ESR1: variants seen among roughly 807,000 people sequenced by gnomAD.
The protein encoded by ESR1 is estrogen receptor.
ESR1 carries 12 observed loss-of-function variants against 52.7 expected under a neutral mutation model. That is an observed-to-expected ratio of 0.23 (90% CI 0.15 to 0.37). The LOEUF (loss-of-function observed/expected upper bound fraction) is 0.37. Ranked by LOEUF, ESR1 falls within the 10% of genes least tolerant of loss-of-function variation. The pLI, the probability that ESR1 is intolerant of heterozygous loss-of-function variation, is 1.00. For missense variants in ESR1, 584 were observed against 779.7 expected (o/e 0.75, Z 2.99); for synonymous variants, 305 against 316.8 (o/e 0.96, Z 0.39).
At chr6:151,790,273 C>T (rs769071371) in intron 2 of ESR1, among the ~76,000 whole-genome samples, 2 of 152,232 alleles carry the variant, frequency 1.3e-5, no homozygotes, top group Non-Finnish European at 2.9e-5. Flanking sequence ...GGTGCACAGC[C>T]CCACGACGAC....
At chr6:151,927,457 C>T (rs973138707) in intron 3 of ESR1, among the ~76,000 whole-genome samples, 72 of 152,206 alleles carry the variant, frequency 4.7e-4, no homozygotes, top group African/African-American at 1.6e-3. Flanking sequence ...ATCTTGCCAC[C>T]ACCTGAGCCA....
At chr6:152,124,098 C>A (rs530131313) in intron 6 of ESR1, among the ~76,000 whole-genome samples, 5 of 152,072 alleles carry the variant, frequency 3.3e-5, no homozygotes, top group Admixed American at 2.6e-4. Context: ...CTGAGGTTGG[C>A]GGATCACTTG....
chr6:151,772,353 A>G (rs1435085050), intron 2 of ESR1, among the ~76,000 whole-genome samples: 1 of 152,210 alleles, frequency 6.6e-6, no homozygotes, highest in East Asian at 1.9e-4. Context: ...CCATAAAACA[A>G]TGAAGAGAAC....
chr6:151,836,891 G>A (rs1783423057), intron 1 of ESR1, among the ~76,000 whole-genome samples: 1 of 152,084 alleles, frequency 6.6e-6, no homozygotes, highest in Non-Finnish European at 1.5e-5. Flanking sequence ...AAAAACCAAG[G>A]CTTCTTAAAT....
At chr6:152,114,163 A>T (rs2051180090) in intron 6 of ESR1, among the ~76,000 whole-genome samples, 1 of 152,186 alleles carries the variant, frequency 6.6e-6, no homozygotes. Flanking sequence ...TCAACGCAGA[A>T]GGAAAGCAGG....
chr6:151,686,613 G>A (rs777289352), upstream of ESR1, among the ~76,000 whole-genome samples: 10 of 152,246 alleles, frequency 6.6e-5, no homozygotes, highest in East Asian at 1.2e-3. Flanking sequence ...GCGTGAACCC[G>A]AGAGGCGGAG....
At chr6:152,104,474 C>T (rs941916513), downstream of ESR1, among the ~76,000 whole-genome samples, 2 of 152,218 alleles carry the variant, frequency 1.3e-5, no homozygotes, top group Admixed American at 1.3e-4. Context: ...CCTGTCTGAG[C>T]ATCTACATTT....
At chr6:151,857,609 AC>A (rs1423235935) in intron 2 of ESR1, among the ~76,000 whole-genome samples, 7 of 151,804 alleles carry the variant, frequency 4.6e-5, no homozygotes, top group Non-Finnish European at 8.8e-5. Flanking sequence ...CCTCATTGCA[AC>A]CTCTGCCTCC....
intron 3 of ESR1, among the ~76,000 whole-genome samples, chr6:151,893,146 G>A (rs1192666490): frequency 6.6e-6 from 1 of 152,166 alleles, no homozygotes; most frequent in Non-Finnish European, 1.5e-5. Context: ...AGCCAAGATC[G>A]TGCCACTGCA....
rs572895971 is a variant in ESR1 at position 152,094,052 on chromosome 6, A to G, written c.1370-333A>G. 6.6e-6 allele frequency among the ~76,000 whole-genome samples: 1 copy of G among 152,310 alleles called. No individual in the cohort carries two copies. The highest frequency in any genetic ancestry group is 2.1e-4 in the South Asian group (1 of 4,818). On this transcript the variant is annotated intron_variant, in intron 6 of 7. Coordinates refer to ENST00000206249, the MANE Select transcript of ESR1 (RefSeq NM_000125.4). The surrounding 1 kb of genome is among the most constrained non-coding windows in gnomAD (Gnocchi z 4.6). ...TCACAGGGTTGTCAGTTACATGGTC[A>G]ATTACATTACATGGACAATTCATGA...
intron 2 of ESR1, among the ~76,000 whole-genome samples, chr6:151,852,127 G>C (rs1047102953): frequency 2.0e-5 from 3 of 152,168 alleles, no homozygotes; most frequent in African/African-American, 7.2e-5. Flanking sequence ...TGGTCACCAA[G>C]AGGAAGGCCA....
At chr6:151,669,165 AGAGAGAGAGAGAGAGAGAGAGAGATGGG>A (rs1777946266) in intron 1 of ESR1, among the ~76,000 whole-genome samples, 2 of 127,550 alleles carry the variant, frequency 1.6e-5, no homozygotes, top group South Asian at 2.9e-4. Context: ...AGAGAGAGAG[AGAGAGAGAGAGAGAGAGAGAGAGATGGG>A]AATCCAGGGG....
At position 152,099,003 on chromosome 6, in the gene ESR1, G is replaced by A. The variant is rs1461441204; in HGVS notation, c.*37G>A. The A allele has an allele frequency of 1.9e-6, 3 of 1,565,298 alleles. No individual in the cohort carries two copies. Among genetic ancestry groups the A allele is most frequent in the East Asian group, 4.5e-5 (2 of 44,588 alleles). ...CTCCCACACGGTTCAGATAATCCCT[G>A]CTGCATTTTACCCTCATCATGCACC... On this transcript the variant is annotated 3_prime_UTR_variant, in exon 8 of 8. Transcript: ENST00000206249.
chr6:151,670,514 A>G (rs1293952), intron 1 of ESR1, among the ~76,000 whole-genome samples: 32,110 of 152,150 alleles, frequency 0.21, 4,199 homozygotes, highest in Non-Finnish European at 0.28. Flanking sequence ...CGTTTGTTGA[A>G]TAAATAAATG....
chr6:151,825,567 A>G (rs760038294), intron 1 of ESR1, among the ~76,000 whole-genome samples: 1 of 152,170 alleles, frequency 6.6e-6, no homozygotes, highest in African/African-American at 2.4e-5. Flanking sequence ...AAGAATTCCC[A>G]GAGTCACGAT....
At chr6:151,742,396 C>G (rs1294520833) in intron 2 of ESR1, among the ~76,000 whole-genome samples, 1 of 151,686 alleles carries the variant, frequency 6.6e-6, no homozygotes, top group Non-Finnish European at 1.5e-5. Flanking sequence ...GTTCCCTTTT[C>G]TCCACACGCT....
chr6:151,689,331 A>G (rs1778810227), upstream of ESR1, among the ~76,000 whole-genome samples: 1 of 152,256 alleles, frequency 6.6e-6, no homozygotes, highest in Non-Finnish European at 1.5e-5. Flanking sequence ...AAATGCTTAC[A>G]GAACCCCCAC....
chr6:151,895,171 A>T (rs1795307292), intron 3 of ESR1, among the ~76,000 whole-genome samples: 1 of 140,344 alleles, frequency 7.1e-6, no homozygotes, highest in Non-Finnish European at 1.5e-5. Flanking sequence ...AAAAGGAGTG[A>T]GTTCTTGATT....
intron 4 of ESR1, among the ~76,000 whole-genome samples, chr6:151,973,992 G>A (rs1234002190): frequency 6.6e-6 from 1 of 152,172 alleles, no homozygotes; most frequent in Non-Finnish European, 1.5e-5. Flanking sequence ...GCCTTTGTGA[G>A]TATTTGGTCT....
Sources: gnomAD v4.1 joint callset for allele counts (sites outside exome capture counted in the v4.1 genomes callset) on GRCh38, gnomAD v4.1.1 for gene constraint, Gnocchi (gnomAD v3.1) non-coding constraint, MANE v1.5 for transcripts, NCBI Gene and HGNC (gene_info 2026-07-23, HGNC 2026-07-21) for gene names.